The following PARM1 variants were observed in gnomAD, a reference collection of about 807,000 sequenced individuals.
PARM1 encodes prostate androgen-regulated mucin-like protein 1.
In PARM1, 14 loss-of-function variants were observed where a neutral mutation model predicts 24.6. That is an observed-to-expected ratio of 0.57 (90% CI 0.38 to 0.89). The LOEUF is 0.89. Among genes scored for constraint, PARM1 ranks in the 40% least tolerant of loss-of-function variants. The pLI is 0.00. For missense variants in PARM1, 362 were observed against 380.4 expected (o/e 0.95, Z 0.40); for synonymous variants, 179 against 156.6 (o/e 1.14, Z -1.07).
chr4:74,937,077 C>T (rs1373749935), intron 1 of PARM1, among the ~76,000 whole-genome samples: 1 of 152,196 alleles, frequency 6.6e-6, no homozygotes, highest in Non-Finnish European at 1.5e-5. Context: ...TGTTCTGGAT[C>T]TGGTAGATAC....
intron 2 of PARM1, among the ~76,000 whole-genome samples, chr4:75,020,009 CAAAAAA>C (rs1161399344): frequency 1.9e-4 from 6 of 31,100 alleles, no homozygotes; most frequent in Non-Finnish European, 6.7e-4. Flanking sequence ...GACTCCGTCT[CAAAAAA>C]AAAAAAAAAA....
At chr4:74,942,259 A>G (rs1339878997) in intron 1 of PARM1, among the ~76,000 whole-genome samples, 1 of 152,220 alleles carries the variant, frequency 6.6e-6, no homozygotes, top group African/African-American at 2.4e-5. Flanking sequence ...CAAGAAACAT[A>G]GTGTGTGCTT....
At chr4:74,940,221 G>A (rs988182523) in intron 1 of PARM1, among the ~76,000 whole-genome samples, 3 of 152,150 alleles carry the variant, frequency 2.0e-5, no homozygotes, top group Non-Finnish European at 4.4e-5. Flanking sequence ...ATTACTTACA[G>A]AGTTTATTCA....
rs958231139 is a variant in PARM1, at chr4:75,012,414, C to A, written c.44-11C>A. Reference sequence around the variant, plus strand: ...CACATATTAACCACTTTTGTACTGGCTTTTCCACAGGATGGAGGGTACAGA... The same window carrying A: ...CACATATTAACCACTTTTGTACTGGATTTTCCACAGGATGGAGGGTACAGA... On this transcript the variant is annotated splice_polypyrimidine_tract_variant and intron_variant, in intron 1 of 3. Coordinates refer to ENST00000307428, the MANE Select transcript of PARM1 (RefSeq NM_015393.4). 3.1e-6 allele frequency: 5 copies of A among 1,609,718 alleles called. No individual in the cohort carries two copies. Among genetic ancestry groups the A allele is most frequent in the Non-Finnish European group, 4.2e-6 (5 of 1,176,590 alleles).
chr4:75,015,321 T>C (rs1317006987), intron 2 of PARM1, among the ~76,000 whole-genome samples: 1 of 152,168 alleles, frequency 6.6e-6, no homozygotes, highest in Non-Finnish European at 1.5e-5. Context: ...AGGCCCCAAA[T>C]TGGTGGCAGT....
At chr4:74,973,560 C>T (rs1183882177) in intron 1 of PARM1, among the ~76,000 whole-genome samples, 1 of 149,780 alleles carries the variant, frequency 6.7e-6, no homozygotes. Flanking sequence ...GTCTCCTCAT[C>T]TGCATCTGAG....
chr4:74,985,146 A>G (rs1168109255), intron 1 of PARM1, among the ~76,000 whole-genome samples: 2 of 152,206 alleles, frequency 1.3e-5, no homozygotes, highest in Admixed American at 6.5e-5. Flanking sequence ...TACATCCCAC[A>G]TAACACAAAG....
intron 1 of PARM1, among the ~76,000 whole-genome samples, chr4:75,008,793 C>T (rs746835462): frequency 6.6e-6 from 1 of 152,180 alleles, no homozygotes; most frequent in African/African-American, 2.4e-5. Context: ...AATTGGTTCT[C>T]CTTTGTAGAT....
intron 1 of PARM1, among the ~76,000 whole-genome samples, chr4:74,985,391 A>T (rs1722331874): frequency 6.6e-6 from 1 of 152,234 alleles, no homozygotes; most frequent in African/African-American, 2.4e-5. Context: ...ATACTCAGCA[A>T]GGATGGGTGC....
At position 74,942,319 on chromosome 4, in the gene PARM1, A is replaced by G. The variant is rs889487993; in HGVS notation, c.43+8949A>G. ...TTAATTGAGAATCTACATGTGCTAA[A>G]CACTGTCCAAGGCTCTGGATATACA... is the stretch of plus-strand genomic sequence containing the variant. On this transcript the variant is annotated intron_variant, in intron 1 of 3. Transcript: ENST00000307428. Among the ~76,000 whole-genome samples, 4 of 152,250 alleles carry G rather than the reference A, an allele frequency of 2.6e-5. No individual in the cohort carries two copies. The South Asian group carries it at 8.3e-4, about 32-fold the overall frequency.
intron 1 of PARM1, among the ~76,000 whole-genome samples, chr4:74,987,358 G>C (rs1035364624): frequency 6.6e-6 from 1 of 152,074 alleles, no homozygotes; most frequent in Non-Finnish European, 1.5e-5. Flanking sequence ...AGAAGAGACA[G>C]AGAACTTCCA....
At chr4:74,961,049 G>C (rs1721763699) in intron 1 of PARM1, among the ~76,000 whole-genome samples, 1 of 151,396 alleles carries the variant, frequency 6.6e-6, no homozygotes, top group Non-Finnish European at 1.5e-5. Flanking sequence ...GTGATGTGGA[G>C]AAAGTCAAGG....
chr4:75,004,295 A>T (rs143270688), intron 1 of PARM1, among the ~76,000 whole-genome samples: 299 of 152,356 alleles, frequency 2.0e-3, no homozygotes, highest in African/African-American at 6.9e-3. Flanking sequence ...TTTAGTTTTT[A>T]TTATCAGGGC....
At chr4:75,003,424 G>A (rs111795282) in intron 1 of PARM1, among the ~76,000 whole-genome samples, 299 of 152,290 alleles carry the variant, frequency 2.0e-3, no homozygotes, top group African/African-American at 6.8e-3. Context: ...TGGGGAGCCT[G>A]CTGATATGAT....
chr4:75,010,721 A>G (rs1722855468), intron 1 of PARM1, among the ~76,000 whole-genome samples: 1 of 152,184 alleles, frequency 6.6e-6, no homozygotes, highest in African/African-American at 2.4e-5. Context: ...GGTTTTGATC[A>G]GTGAAAGGAC....
Position 74,980,958 on chromosome 4 carries a change from T to C in PARM1, c.44-31467T>C, listed in dbSNP as rs1401816197. On this transcript the variant is annotated intron_variant, in intron 1 of 3. Transcript: ENST00000307428. Reference sequence around the variant, plus strand: ...AACTTCCTTATATCTTATATAAAAATTAACTCAAGATGGATTAGATTTAAA... The same window carrying C: ...AACTTCCTTATATCTTATATAAAAACTAACTCAAGATGGATTAGATTTAAA... Among the ~76,000 whole-genome samples the C allele has an allele frequency of 2.0e-5, 3 of 152,314 alleles. No individual in the cohort carries two copies. The East Asian group carries it at 5.8e-4, about 29-fold the overall frequency.
Position 74,944,481 on chromosome 4 carries a change from G to T in PARM1, c.43+11111G>T, listed in dbSNP as rs527615417. The stretch of plus-strand genomic sequence containing the variant: ...AGAGTAGCTCTGACCTGTGCTGGAG[G>T]CCCAGCAGAGAGCTGCGTCTGGTCT... On this transcript the variant is annotated intron_variant, in intron 1 of 3. Coordinates refer to ENST00000307428, the MANE Select transcript of PARM1 (RefSeq NM_015393.4). 3.3e-5 allele frequency among the ~76,000 whole-genome samples: 5 copies of T among 152,238 alleles called. No individual in the cohort carries two copies. In the South Asian group the frequency reaches 1.0e-3, roughly 32 times the overall value.
intron 1 of PARM1, among the ~76,000 whole-genome samples, chr4:74,978,446 A>G (rs1449601369): frequency 6.6e-6 from 1 of 152,230 alleles, no homozygotes; most frequent in Admixed American, 6.5e-5. Flanking sequence ...ATACAGGAGC[A>G]CCCGGATTTA....
intron 2 of PARM1, among the ~76,000 whole-genome samples, chr4:75,025,281 A>G (rs906610456): frequency 1.3e-5 from 2 of 152,174 alleles, no homozygotes; most frequent in African/African-American, 4.8e-5. Context: ...CACCATTAGC[A>G]CAACTGAATG....
Sources: allele counts gnomAD v4.1 joint callset (sites outside exome capture counted in the v4.1 genomes callset), GRCh38; gene constraint gnomAD v4.1.1; transcripts MANE v1.5; gene names NCBI Gene and HGNC (gene_info 2026-07-23, HGNC 2026-07-21).